ACTR10: variants seen among roughly 807,000 people sequenced by gnomAD.
The protein encoded by ACTR10 is actin related protein 10.
A neutral mutation model predicts 56.2 loss-of-function variants in ACTR10; 43 were observed. That is an observed-to-expected ratio of 0.77 (90% CI 0.60 to 0.99). The LOEUF (loss-of-function observed/expected upper bound fraction) is 0.99, where lower values mean the gene tolerates loss of function less well. Ranked by LOEUF, ACTR10 falls within the 50% of genes least tolerant of loss-of-function variation. The pLI is 0.00. For missense variants in ACTR10, 466 were observed against 507.8 expected, an observed-to-expected ratio of 0.92 and a Z score of 0.79; for synonymous variants, 170 against 176.3, an observed-to-expected ratio of 0.96 and a Z score of 0.28.
In ACTR10 at chr14:58,230,824, G is replaced by A. The variant is rs182500026; in HGVS notation, c.870+344G>A. Among the ~76,000 whole-genome samples, 45 of 151,318 alleles carry A rather than the reference G, an allele frequency of 3.0e-4. 1 individual carries two copies. The highest frequency in any genetic ancestry group is 1.0e-3 in the African/African-American group (42 of 41,224). On this transcript the variant is annotated intron_variant, in intron 11 of 12. Coordinates refer to ENST00000254286, the MANE Select transcript of ACTR10 (RefSeq NM_018477.3). ...CACCCAGGCTGGAGTGCAGTGGCGC[G>A]ATCTCAGCTCACTGCAGCCTCTGCC...
At chr14:58,217,834 A>G (rs191091730) in intron 7 of ACTR10, among the ~76,000 whole-genome samples, 1 of 152,330 alleles carries the variant, frequency 6.6e-6, no homozygotes, top group Admixed American at 6.5e-5. Flanking sequence ...AAGAATGAAT[A>G]TATCATAGTA....
At chr14:58,209,160 C>G in intron 4 of ACTR10, 53 bp downstream of exon 4, 1 of 1,268,970 alleles carries the variant, frequency 7.9e-7, no homozygotes, top group Non-Finnish European at 1.1e-6. Flanking sequence ...AAAAGAGAAG[C>G]AATAAAATTC....
At chr14:58,223,959 T>C in intron 10 of ACTR10, 103 bp downstream of exon 10, 1 of 899,238 alleles carries the variant, frequency 1.1e-6, no homozygotes, top group Non-Finnish European at 1.7e-6. Context: ...ATTTTAACAG[T>C]TCAGTGTTTA....
intron 10 of ACTR10, among the ~76,000 whole-genome samples, chr14:58,227,659 G>C (rs1172877595): frequency 6.6e-6 from 1 of 152,198 alleles, no homozygotes; most frequent in Admixed American, 6.5e-5. Context: ...GGCCTGACCA[G>C]CTATGCCCGT....
chr14:58,215,205 A>G lies in ACTR10; in HGVS notation c.519A>G (p.Lys173=). The G allele has an allele frequency of 3.2e-6, 5 of 1,575,540 alleles. No individual in the cohort carries two copies. The highest frequency in any genetic ancestry group is 4.3e-6 in the Non-Finnish European group (5 of 1,162,662). Residue 173 remains lysine, a splice_region_variant and synonymous_variant, in exon 7 of 13, where the codon AAA becomes AAG. Coordinates refer to ENST00000254286, the MANE Select transcript of ACTR10 (RefSeq NM_018477.3). The part of the protein sequence containing the change: ...ALPLGGKALH[K]ELETQLLEQC... Reference sequence around the variant, plus strand: ...AGTAACTTTTTTTTTTTAATTTCAGAGAGTTGGAAACTCAACTATTGGAAC... The same window carrying G: ...AGTAACTTTTTTTTTTTAATTTCAGGGAGTTGGAAACTCAACTATTGGAAC...
At chr14:58,220,098 A>AT (rs1424705949) in intron 8 of ACTR10, among the ~76,000 whole-genome samples, 3 of 152,202 alleles carry the variant, frequency 2.0e-5, no homozygotes, top group African/African-American at 7.2e-5. Context: ...AACTTCCGGA[A>AT]TTGTGACCAA....
chr14:58,223,627 A>C lies in ACTR10; in HGVS notation c.640A>C (p.Thr214Pro). The C allele has an allele frequency of 1.9e-6, 3 of 1,612,410 alleles. No homozygotes were observed. The highest frequency in any genetic ancestry group is 2.5e-6 in the Non-Finnish European group (3 of 1,179,356). Residue 214 changes from threonine to proline, a missense_variant, in exon 9 of 13, where the codon ACT becomes CCT. Coordinates refer to ENST00000254286, the MANE Select transcript of ACTR10 (RefSeq NM_018477.3). ...TCTCCTTTTCTTCCTTAAAGCGCGT[A>C]CTTGCTTTGTAAGTGATCTGAAGCG... ...EGVLEDIKAR[T>P]CFVSDLKRGL...
chr14:58,213,592 T>C, intron 5 of ACTR10, 39 bp from the exon 6 acceptor site: 1 of 1,439,760 alleles, frequency 6.9e-7, no homozygotes, highest in South Asian at 1.3e-5. Context: ...AAACCACATT[T>C]TATCTCCTAA....
chr14:58,223,358 G>C (rs926356507), intron 8 of ACTR10: 69 of 339,278 alleles, frequency 2.0e-4, no homozygotes, highest in Non-Finnish European at 5.4e-5. Flanking sequence ...GGCTGGTCTC[G>C]AACTCCTGAC....
At chr14:58,220,184 A>G (rs1437250148) in intron 8 of ACTR10, among the ~76,000 whole-genome samples, 6 of 152,292 alleles carry the variant, frequency 3.9e-5, no homozygotes, top group African/African-American at 1.2e-4. Context: ...TTCTATGATA[A>G]AGTTCAAATT....
At chr14:58,216,383 G>C (rs1212254676) in intron 7 of ACTR10, among the ~76,000 whole-genome samples, 1 of 152,054 alleles carries the variant, frequency 6.6e-6, no homozygotes, top group Non-Finnish European at 1.5e-5. Flanking sequence ...ACCAGCCCCC[G>C]CCTCCCAAAA....
chr14:58,210,378 C>A (rs970299602), intron 4 of ACTR10, among the ~76,000 whole-genome samples: 1 of 152,030 alleles, frequency 6.6e-6, no homozygotes, highest in East Asian at 1.9e-4. Flanking sequence ...CACCTGTAGT[C>A]CCAGCTACTC....
chr14:58,221,371 A>C (rs1193873105), intron 8 of ACTR10, among the ~76,000 whole-genome samples: 7 of 152,050 alleles, frequency 4.6e-5, no homozygotes, highest in African/African-American at 1.7e-4. Flanking sequence ...AGGCAGGTGA[A>C]TCACTAGAGC....
intron 5 of ACTR10, 76 bp downstream of exon 5, chr14:58,211,475 G>A (rs1445268624): frequency 2.8e-6 from 3 of 1,074,082 alleles, no homozygotes; most frequent in African/African-American, 3.1e-5. Flanking sequence ...AATTATAAAT[G>A]ATTTGTATTG....
Position 58,200,165 on chromosome 14 carries a change from G to A in ACTR10, c.-53G>A, listed in dbSNP as rs1888668110. On this transcript the variant is annotated 5_prime_UTR_variant, in exon 1 of 13. Transcript: ENST00000254286. ...CCCGGCCCCGCCCCGCGAGCGCCGA[G>A]ACTTGTTGGCCGCGGAGACTGCGAC... 3.6e-6 allele frequency: 5 copies of A among 1,387,084 alleles called. No individual in the cohort carries two copies. In the African/African-American group the frequency reaches 4.4e-5, roughly 12 times the overall value. 85.9% of individuals were successfully genotyped at this position (1,387,084 alleles called of 1,614,324 possible).
intron 2 of ACTR10, 135 bp downstream of exon 2, chr14:58,203,062 G>T (rs1190400114): frequency 7.4e-6 from 4 of 540,978 alleles, no homozygotes; most frequent in Non-Finnish European, 1.3e-5. Context: ...AACACTTTGG[G>T]TGGCTGAGGC....
chr14:58,225,721 T>C lies in ACTR10; in HGVS notation c.788+1865T>C, dbSNP rs546427338. Among the ~76,000 whole-genome samples, 3 of 152,166 alleles carry C rather than the reference T, an allele frequency of 2.0e-5. No homozygotes were observed. In the South Asian group the frequency reaches 6.2e-4, roughly 32 times the overall value. On this transcript the variant is annotated intron_variant, in intron 10 of 12. Coordinates refer to ENST00000254286, the MANE Select transcript of ACTR10 (RefSeq NM_018477.3). ...ATGGTAGTTCACACTTCTTTTTTTT[T>C]TTTTCTTGAGACGGAATTTTTGCTC...
At chr14:58,229,692 AAAG>A (rs1889485604) in intron 10 of ACTR10, among the ~76,000 whole-genome samples, 1 of 151,186 alleles carries the variant, frequency 6.6e-6, no homozygotes, top group South Asian at 2.1e-4. Flanking sequence ...AAAAAAAAAA[AAAG>A]AATAGATTTT....
chr14:58,228,681 CTTTTTTTTTTTTTTTTTTTTTTTT>C (rs35498207), intron 10 of ACTR10, among the ~76,000 whole-genome samples: 4 of 40,790 alleles, frequency 9.8e-5, no homozygotes, highest in South Asian at 9.1e-4. Flanking sequence ...GCAAGACAGA[CTTTTTTTTTTTTTTTTTTTTTTTT>C]TTTTTTTTTT....
Sources: gnomAD v4.1 joint callset for allele counts (sites outside exome capture counted in the v4.1 genomes callset) on GRCh38, gnomAD v4.1.1 for gene constraint, MANE v1.5 for transcripts, NCBI Gene and HGNC (gene_info 2026-07-23, HGNC 2026-07-21) for gene names.